The following NME9 variants were observed in gnomAD, a reference collection of about 807,000 sequenced individuals.
NME9 encodes NME/NM23 family member 9, also known as thioredoxin domain-containing protein 6.
Under a neutral mutation model 44.4 loss-of-function variants are expected in NME9, and 48 were observed. The ratio of observed to expected loss-of-function variants is 1.08; its 90% confidence interval spans 0.86 to 1.37. The LOEUF (loss-of-function observed/expected upper bound fraction) is 1.37. NME9 is among the 40% of genes most tolerant of loss of function. NME9 has a pLI of 0.00. For synonymous variants in NME9, 139 were observed against 147.1 expected (o/e 0.94, Z 0.40); for missense variants, 325 against 405.2 (o/e 0.80, Z 1.70).
At chr3:138,305,835 T>C in intron 8 of NME9, 169 bp downstream of exon 8, 1 of 567,926 alleles carries the variant, frequency 1.8e-6, no homozygotes. Flanking sequence ...CAAAAAACTT[T>C]ACCTGATACA....
chr3:138,289,049 G>A, intron 8 of NME9: 1 of 1,611,648 alleles, frequency 6.2e-7, no homozygotes, highest in Non-Finnish European at 8.5e-7. Flanking sequence ...TATTAATAGG[G>A]CCATTCACAT....
At chr3:138,269,581 G>T (rs1471508474) in intron 8 of NME9, among the ~76,000 whole-genome samples, 1 of 152,162 alleles carries the variant, frequency 6.6e-6, no homozygotes, top group South Asian at 2.1e-4. Context: ...GGTTTTCTAA[G>T]TTCCTTTATA....
intron 8 of NME9, chr3:138,267,145 A>C: frequency 6.8e-7 from 1 of 1,465,926 alleles, no homozygotes; most frequent in Non-Finnish European, 9.3e-7. Flanking sequence ...ATCCTTTTTT[A>C]ATTCCATAGG....
chr3:138,324,149 C>T (rs2053633437), intron 2 of NME9: 1 of 245,740 alleles, frequency 4.1e-6, no homozygotes, highest in Non-Finnish European at 8.3e-6. Flanking sequence ...TGGCCAACAG[C>T]CAATGAGGAC....
At chr3:138,275,240 T>C (rs538396495) in intron 8 of NME9, among the ~76,000 whole-genome samples, 1 of 152,344 alleles carries the variant, frequency 6.6e-6, no homozygotes, top group African/African-American at 2.4e-5. Flanking sequence ...AGGTTTTGGC[T>C]ACATGGTTAT....
At chr3:138,289,225 G>C in intron 8 of NME9, 1 of 866,372 alleles carries the variant, frequency 1.2e-6, no homozygotes, top group Non-Finnish European at 1.8e-6. Context: ...CTCTGTTCTT[G>C]GACCATCTGG....
chr3:138,329,786 C>A lies in NME9; in HGVS notation c.-451G>T. The A allele has an allele frequency of 2.0e-6, 2 of 990,636 alleles. No homozygotes were observed. Among genetic ancestry groups the A allele is most frequent in the Non-Finnish European group, 2.4e-6 (2 of 833,414 alleles). The allele number at this position is 990,636 out of a possible 1,614,324, so 61.4% of individuals were successfully genotyped here. On this transcript the variant is annotated 5_prime_UTR_variant, in exon 1 of 11. Coordinates refer to ENST00000333911, the MANE Select transcript of NME9 (RefSeq NM_001349018.2). ...AGTGAGCCACTGCGAACGACAGGTA[C>A]AAGATCTTCGACGCGCCCGGAGTCA...
At chr3:138,306,277 G>C (rs1338907702) in intron 7 of NME9, 121 bp downstream of exon 7, 3 of 890,748 alleles carry the variant, frequency 3.4e-6, no homozygotes, top group South Asian at 1.4e-5. Context: ...TGGAACTTGA[G>C]CTACAACCCC....
Position 138,263,917 on chromosome 3 carries a change from T to C in NME9, c.746-1331A>G, listed in dbSNP as rs570549208. On this transcript the variant is annotated intron_variant, in intron 8 of 8. Coordinates refer to the NME9 transcript ENST00000317876. ...ACTGAGTAAACACAGACTACAAATGTTCCTCAAAAATCTGCTCAGGTGAAT... is the reference window on the plus strand; with the variant it reads ...ACTGAGTAAACACAGACTACAAATGCTCCTCAAAAATCTGCTCAGGTGAAT... The C allele has an allele frequency of 3.3e-6, 4 of 1,208,570 alleles. No individual in the cohort carries two copies. In the East Asian group the frequency reaches 9.3e-5, roughly 28 times the overall value. The allele number at this position is 1,208,570 out of a possible 1,614,324, so 74.9% of individuals were successfully genotyped here.
At chr3:138,276,965 GT>G (rs1243335780) in intron 8 of NME9, among the ~76,000 whole-genome samples, 1 of 152,134 alleles carries the variant, frequency 6.6e-6, no homozygotes, top group Non-Finnish European at 1.5e-5. Flanking sequence ...AGCCAAAACA[GT>G]TTGGAAGAAA....
chr3:138,290,429 G>T, intron 8 of NME9: 1 of 722,012 alleles, frequency 1.4e-6, no homozygotes, highest in Non-Finnish European at 2.3e-6. Flanking sequence ...TAGAGGACAA[G>T]GGGTACAGGA....
At chr3:138,290,203 G>A (rs111512640) in intron 8 of NME9, among the ~76,000 whole-genome samples, 4,175 of 152,276 alleles carry the variant, frequency 0.027, 206 homozygotes, top group African/African-American at 0.096. Flanking sequence ...AGGGCCATGG[G>A]TATGTCCTGA....
rs555975279 is a variant in NME9, at chr3:138,301,023, G to T, written c.*617C>A. The stretch of plus-strand genomic sequence containing the variant: ...GTTTAATTCATAAGGTAGATTTATT[G>T]TTGGGGAAACACCATCTCATATAAC... On this transcript the variant is annotated 3_prime_UTR_variant, in exon 11 of 11. Coordinates refer to ENST00000333911, the MANE Select transcript of NME9 (RefSeq NM_001349018.2). 5 of 973,564 alleles carry T rather than the reference G, an allele frequency of 5.1e-6. No individual in the cohort carries two copies. In the African/African-American group the frequency reaches 8.8e-5, roughly 17 times the overall value. The allele number at this position is 973,564 out of a possible 1,614,324, so 60.3% of individuals were successfully genotyped here.
chr3:138,265,929 G>C (rs2048238452), intron 8 of NME9, among the ~76,000 whole-genome samples: 1 of 152,162 alleles, frequency 6.6e-6, no homozygotes, highest in Admixed American at 6.5e-5. Context: ...ATGAACCCTG[G>C]AGCTACTTCA....
At chr3:138,323,185 G>C (rs1037398188) in intron 2 of NME9, among the ~76,000 whole-genome samples, 1 of 152,220 alleles carries the variant, frequency 6.6e-6, no homozygotes, top group Non-Finnish European at 1.5e-5. Context: ...GGAGGCCCGG[G>C]TGGGCGGATC....
chr3:138,264,304 T>G, intron 8 of NME9: 1 of 965,358 alleles, frequency 1.0e-6, no homozygotes, highest in Non-Finnish European at 1.6e-6. Context: ...TAGGAGTATG[T>G]CTGATTTTTG....
At chr3:138,306,357 A>G (rs375192362) in intron 7 of NME9, 41 bp downstream of exon 7, 238 of 1,421,452 alleles carry the variant, frequency 1.7e-4, no homozygotes, top group Non-Finnish European at 2.0e-4. Context: ...ACAAAAGAGG[A>G]CACAAGGACA....
At chr3:138,324,698 AC>A (rs2053669091) in intron 2 of NME9, 174 bp downstream of exon 2, 7 of 40,646 alleles carry the variant, frequency 1.7e-4, no homozygotes, top group Non-Finnish European at 4.4e-4. Flanking sequence ...CCAGATACAC[AC>A]ACACACACAC....
intron 8 of NME9, among the ~76,000 whole-genome samples, chr3:138,271,049 T>C (rs1024178149): frequency 6.6e-5 from 10 of 152,176 alleles, no homozygotes; most frequent in Non-Finnish European, 1.5e-4. Flanking sequence ...GCCTCACAGT[T>C]AATAATGGAA....
Sources: allele counts gnomAD v4.1 joint callset (sites outside exome capture counted in the v4.1 genomes callset), GRCh38; gene constraint gnomAD v4.1.1; transcripts MANE v1.5; gene names NCBI Gene and HGNC (gene_info 2026-07-23, HGNC 2026-07-21).